Variants in ANKRD30B observed in about 807,000 individuals in gnomAD.
The protein encoded by ANKRD30B is ankyrin repeat domain-containing protein 30B.
In ANKRD30B, 144 loss-of-function variants were observed where a neutral mutation model predicts 202.2. The ratio of observed to expected loss-of-function variants is 0.71; its 90% confidence interval spans 0.62 to 0.82. The LOEUF is 0.82. Ranked by LOEUF, ANKRD30B falls within the 40% of genes least tolerant of loss-of-function variation. ANKRD30B has a pLI of 0.00. For synonymous variants in ANKRD30B, 508 were observed against 561.3 expected (o/e 0.91, Z 1.34); for missense variants, 1,487 against 1,669.1 (o/e 0.89, Z 1.90).
At chr18:14,859,042 T>C (rs1444990801), downstream of ANKRD30B, among the ~76,000 whole-genome samples, 189 of 87,192 alleles carry the variant, frequency 2.2e-3, no homozygotes, top group Middle Eastern at 0.01. Context: ...CAGGCAGAGG[T>C]GCTCCTCGCC....
chr18:14,766,308 C>A (rs1397398002), intron 7 of ANKRD30B, among the ~76,000 whole-genome samples: 12 of 151,304 alleles, frequency 7.9e-5, no homozygotes, highest in African/African-American at 2.7e-4. Flanking sequence ...CCCGTCTCTA[C>A]TAAAAATACA....
At chr18:14,834,935 C>G (rs542830547) in intron 34 of ANKRD30B, among the ~76,000 whole-genome samples, 27 of 151,760 alleles carry the variant, frequency 1.8e-4, no homozygotes, top group Non-Finnish European at 3.2e-4. Flanking sequence ...TTAGGCCTTG[C>G]CAACTTTATT....
At chr18:14,868,482 G>A in the ANKRD30B span, among the ~76,000 whole-genome samples, 2 of 152,272 alleles carry the variant, frequency 1.3e-5, no homozygotes, top group African/African-American at 2.4e-5. Flanking sequence ...TCTTTCCTGG[G>A]TTTTGGTGTT....
the ANKRD30B span, among the ~76,000 whole-genome samples, chr18:14,866,480 T>C: frequency 6.6e-6 from 1 of 152,132 alleles, no homozygotes; most frequent in African/African-American, 2.4e-5. Flanking sequence ...GGAGGGTGGC[T>C]GGCAGCTGGA....
the ANKRD30B span, among the ~76,000 whole-genome samples, chr18:14,867,236 G>T: frequency 6.7e-6 from 1 of 149,018 alleles, no homozygotes; most frequent in East Asian, 2.0e-4. Context: ...TGGTTTGGGG[G>T]TGCTATCAGG....
chr18:14,816,800 A>T (rs530354094), intron 30 of ANKRD30B: 1 of 152,368 alleles, frequency 6.6e-6, no homozygotes, highest in East Asian at 1.9e-4. Context: ...TGATAAGTTC[A>T]TGTCCTTTGT....
chr18:14,795,411 G>T (rs1262601629), intron 16 of ANKRD30B, among the ~76,000 whole-genome samples: 1 of 152,170 alleles, frequency 6.6e-6, no homozygotes, highest in African/African-American at 2.4e-5. Flanking sequence ...TGGCCAGGCT[G>T]CTTTGGAACT....
the ANKRD30B span, among the ~76,000 whole-genome samples, chr18:14,887,096 A>T: frequency 6.6e-6 from 1 of 152,172 alleles, no homozygotes; most frequent in Admixed American, 6.5e-5. Flanking sequence ...AATGGTTAGC[A>T]AACCTTTTAA....
At chr18:14,809,833 A>T (rs937293372) in intron 26 of ANKRD30B, among the ~76,000 whole-genome samples, 153 bp from the exon 27 acceptor site, 4 of 151,034 alleles carry the variant, frequency 2.6e-5, no homozygotes, top group African/African-American at 9.8e-5. Flanking sequence ...TTGACATGTT[A>T]ACAAATACAA....
the ANKRD30B span, among the ~76,000 whole-genome samples, chr18:14,913,132 C>T: frequency 4.6e-5 from 7 of 152,226 alleles, no homozygotes; most frequent in African/African-American, 1.7e-4. Flanking sequence ...TCCTGCACAT[C>T]CATGTGGAAT....
intron 39 of ANKRD30B, among the ~76,000 whole-genome samples, chr18:14,843,308 CA>C (rs1224145554): frequency 6.6e-6 from 1 of 151,640 alleles, no homozygotes; most frequent in African/African-American, 2.4e-5. Context: ...CAGGTGTTTC[CA>C]CTTTCACGTC....
At chr18:14,898,365 C>T in the ANKRD30B span, among the ~76,000 whole-genome samples, 1 of 152,052 alleles carries the variant, frequency 6.6e-6, no homozygotes, top group Non-Finnish European at 1.5e-5. Context: ...ATAAGGAGCG[C>T]AAAACCTAGA....
At chr18:14,890,160 T>G in the ANKRD30B span, 5 of 691,684 alleles carry the variant, frequency 7.2e-6, no homozygotes, top group Non-Finnish European at 1.3e-5. Flanking sequence ...GAATGGCCAT[T>G]TGTTCTTATT....
chr18:14,864,260 G>T, the ANKRD30B span, among the ~76,000 whole-genome samples: 2 of 152,028 alleles, frequency 1.3e-5, no homozygotes, highest in East Asian at 3.9e-4. Flanking sequence ...GCTTGAACCG[G>T]GGAGGTGGAG....
At chr18:14,877,704 T>A in the ANKRD30B span, 1 of 152,068 alleles carries the variant, frequency 6.6e-6, no homozygotes, top group African/African-American at 2.4e-5. Context: ...GGCTCCTTGG[T>A]CTGTCCTCTT....
At chr18:14,847,732 G>GGC (rs1971712126) in intron 39 of ANKRD30B, among the ~76,000 whole-genome samples, 1 of 151,518 alleles carries the variant, frequency 6.6e-6, no homozygotes, top group Non-Finnish European at 1.5e-5. Flanking sequence ...CCACACCTGA[G>GGC]GCAAGGCCTT....
At chr18:14,864,744 C>T in the ANKRD30B span, among the ~76,000 whole-genome samples, 2 of 151,870 alleles carry the variant, frequency 1.3e-5, no homozygotes, top group South Asian at 2.1e-4. Context: ...TCCTGCTGCT[C>T]GCCACCCTCT....
the ANKRD30B span, among the ~76,000 whole-genome samples, chr18:14,895,304 G>A: frequency 6.6e-6 from 1 of 151,870 alleles, no homozygotes; most frequent in Non-Finnish European, 1.5e-5. Flanking sequence ...TATTTAAAAA[G>A]GAATCGCAAA....
the ANKRD30B span, among the ~76,000 whole-genome samples, chr18:14,879,077 G>C: frequency 2.0e-5 from 3 of 151,794 alleles, no homozygotes; most frequent in African/African-American, 4.9e-5. Flanking sequence ...AGACCCGGGG[G>C]ACACCGCGAA....
Sources: gnomAD v4.1 joint callset for allele counts (sites outside exome capture counted in the v4.1 genomes callset) on GRCh38, gnomAD v4.1.1 for gene constraint, MANE v1.5 for transcripts, NCBI Gene and HGNC (gene_info 2026-07-23, HGNC 2026-07-21) for gene names.